The following OR14A2 variants were observed in gnomAD, a reference collection of about 807,000 sequenced individuals.
OR14A2 encodes the protein olfactory receptor family 14 subfamily A member 2.
For missense variants in OR14A2, 237 were observed against 152.9 expected, an observed-to-expected ratio of 1.55 and a Z score of -2.90; for synonymous variants, 114 against 58.6, an observed-to-expected ratio of 1.95 and a Z score of -4.32.
chr1:247,730,191 T>A, the OR14A2 span, among the ~76,000 whole-genome samples: 1 of 152,084 alleles, frequency 6.6e-6, no homozygotes, highest in Non-Finnish European at 1.5e-5. Flanking sequence ...CTCCTGTAGA[T>A]TGGCCCTCAC....
chr1:247,739,036 A>G, the OR14A2 span: 1 of 780,718 alleles, frequency 1.3e-6, no homozygotes, highest in Non-Finnish European at 2.4e-6. Context: ...CTCTGTGTCC[A>G]GTTGATGGCT....
At chr1:247,723,577 G>A (rs1348836257) in exon 1 of OR14A2, 9 of 718,158 alleles carry the variant, frequency 1.3e-5, no homozygotes, top group African/African-American at 3.5e-5. Context: ...AGCTGTGTAC[G>A]CAGTACCAAA....
the OR14A2 span, among the ~76,000 whole-genome samples, chr1:247,733,305 G>A: frequency 2.6e-5 from 4 of 152,180 alleles, no homozygotes; most frequent in Non-Finnish European, 5.9e-5. Flanking sequence ...AAACTGATTT[G>A]AAAGATTTGA....
upstream of OR14A2, among the ~76,000 whole-genome samples, chr1:247,727,398 T>G (rs1660401713): frequency 6.6e-6 from 1 of 151,976 alleles, no homozygotes; most frequent in African/African-American, 2.4e-5. Flanking sequence ...CCTGAGACTT[T>G]GCTGAAGTTG....
the OR14A2 span, among the ~76,000 whole-genome samples, chr1:247,736,807 T>C: frequency 6.6e-6 from 1 of 152,202 alleles, no homozygotes; most frequent in Non-Finnish European, 1.5e-5. Context: ...GCTTTACTTT[T>C]GGGGCTTCCA....
At chr1:247,741,448 T>C in the OR14A2 span, among the ~76,000 whole-genome samples, 2 of 152,270 alleles carry the variant, frequency 1.3e-5, no homozygotes, top group African/African-American at 4.8e-5. Flanking sequence ...AAATAAACAT[T>C]GCATTAAATG....
the OR14A2 span, among the ~76,000 whole-genome samples, chr1:247,744,611 T>A: frequency 6.6e-6 from 1 of 152,158 alleles, no homozygotes. The surrounding 1 kb of genome is among the most constrained non-coding windows in gnomAD (Gnocchi z 4.3). Context: ...ATGAAAGATA[T>A]CTATTGGTGG....
chr1:247,729,204 C>G, the OR14A2 span, among the ~76,000 whole-genome samples: 1 of 152,110 alleles, frequency 6.6e-6, no homozygotes, highest in Admixed American at 6.6e-5. Flanking sequence ...AAGTGATTAT[C>G]TCTTAAGACC....
At chr1:247,723,313 G>A (rs11809582) in exon 1 of OR14A2, 53,294 of 717,394 alleles carry the variant, frequency 0.074, 3,681 homozygotes, top group African/African-American at 0.29. Flanking sequence ...AGTGAAAACA[G>A]TGAGATGGGG....
chr1:247,732,841 A>G, the OR14A2 span, among the ~76,000 whole-genome samples: 1 of 152,132 alleles, frequency 6.6e-6, no homozygotes, highest in Non-Finnish European at 1.5e-5. Flanking sequence ...GCAAGTCTGA[A>G]AGTCTGGCTT....
chr1:247,724,296 A>G (rs1467397928), upstream of OR14A2, among the ~76,000 whole-genome samples: 1 of 152,094 alleles, frequency 6.6e-6, no homozygotes, highest in Non-Finnish European at 1.5e-5. Flanking sequence ...ACCTAATCCT[A>G]TAGCCTCAAA....
At chr1:247,743,483 A>G in the OR14A2 span, among the ~76,000 whole-genome samples, 71 of 152,270 alleles carry the variant, frequency 4.7e-4, no homozygotes, top group African/African-American at 1.6e-3. Flanking sequence ...CATCTGTGAC[A>G]ATTTCTATGG....
upstream of OR14A2, among the ~76,000 whole-genome samples, chr1:247,724,551 C>A (rs1660287477): frequency 6.6e-6 from 1 of 152,046 alleles, no homozygotes; most frequent in African/African-American, 2.4e-5. Flanking sequence ...ATTGAATAAT[C>A]TAACACAGGT....
At chr1:247,746,222 C>A in the OR14A2 span, 3 of 152,170 alleles carry the variant, frequency 2.0e-5, no homozygotes, top group South Asian at 2.1e-4. Context: ...AATTGGTCTA[C>A]TTTGAAGCTC....
At chr1:247,742,295 A>T in the OR14A2 span, among the ~76,000 whole-genome samples, 1 of 138,784 alleles carries the variant, frequency 7.2e-6, no homozygotes, top group Non-Finnish European at 1.6e-5. Flanking sequence ...CACACACACC[A>T]TGAAGTGGAG....
chr1:247,726,167 A>G (rs1660349929), upstream of OR14A2, among the ~76,000 whole-genome samples: 2 of 118,784 alleles, frequency 1.7e-5, no homozygotes, highest in Admixed American at 1.5e-4. Flanking sequence ...AAGTGTTCCT[A>G]TTTCTCCACA....
chr1:247,743,398 A>C, the OR14A2 span, among the ~76,000 whole-genome samples: 3 of 152,168 alleles, frequency 2.0e-5, no homozygotes, highest in Admixed American at 1.3e-4. Context: ...GTCTGGGAGC[A>C]CCTTGGCCCC....
exon 1 of OR14A2, chr1:247,723,923 G>A (rs1042864874): frequency 2.8e-6 from 2 of 716,830 alleles, no homozygotes; most frequent in African/African-American, 3.5e-5. Context: ...ATGATGAGAA[G>A]GTTACTCATT....
chr1:247,735,607 C>A, the OR14A2 span, among the ~76,000 whole-genome samples: 20 of 152,116 alleles, frequency 1.3e-4, no homozygotes, highest in African/African-American at 4.8e-4. Context: ...CCAGGAGAGT[C>A]CCATATAGTC....
Sources: gnomAD v4.1 joint callset for allele counts (sites outside exome capture counted in the v4.1 genomes callset) on GRCh38, gnomAD v4.1.1 for gene constraint, Gnocchi (gnomAD v3.1) non-coding constraint, MANE v1.5 for transcripts, NCBI Gene and HGNC (gene_info 2026-07-23, HGNC 2026-07-21) for gene names.